Variants in TRIM37 observed in about 807,000 individuals in gnomAD.
TRIM37 encodes E3 ubiquitin-protein ligase TRIM37.
TRIM37 carries 80 observed loss-of-function variants against 129.8 expected under a neutral mutation model. The observed-to-expected ratio is 0.62, with a 90% CI of 0.51 to 0.74. The LOEUF (loss-of-function observed/expected upper bound fraction) is 0.74. TRIM37 is among the 30% of genes least tolerant of loss of function. TRIM37 has a pLI of 0.00. For synonymous variants in TRIM37, 389 were observed against 387.1 expected (o/e 1.00, Z -0.06); for missense variants, 1,054 against 1,176.5 (o/e 0.90, Z 1.52).
intron 4 of TRIM37, among the ~76,000 whole-genome samples, chr17:59,085,031 T>A (rs1338292775): frequency 1.3e-5 from 2 of 151,956 alleles, no homozygotes. Flanking sequence ...TATACACAAA[T>A]AAACTACAGG....
chr17:59,005,783 A>C (rs2034404562), intron 22 of TRIM37, among the ~76,000 whole-genome samples: 1 of 152,202 alleles, frequency 6.6e-6, no homozygotes, highest in African/African-American at 2.4e-5. Flanking sequence ...TTGCTTCAAA[A>C]TCTTTCTTGG....
At chr17:59,000,001 T>C (rs1264169709) in intron 23 of TRIM37, among the ~76,000 whole-genome samples, 1 of 152,026 alleles carries the variant, frequency 6.6e-6, no homozygotes, top group East Asian at 1.9e-4. Context: ...ACCAGGAAAA[T>C]ATGCAAAATA....
chr17:59,045,625 C>A (rs1264582191), intron 16 of TRIM37, among the ~76,000 whole-genome samples: 1 of 143,872 alleles, frequency 7.0e-6, no homozygotes, highest in East Asian at 2.0e-4. Flanking sequence ...GGTGACAGTG[C>A]GAAACTCCGT....
In TRIM37 at chr17:59,028,689, C is replaced by T; in HGVS notation, c.1983G>A (p.Lys661=). The T allele has an allele frequency of 6.2e-7, 1 of 1,614,174 alleles. No homozygotes were observed. Among genetic ancestry groups the T allele is most frequent in the Non-Finnish European group, 8.5e-7 (1 of 1,180,028 alleles). Residue 661 remains lysine (K), a synonymous_variant, in exon 19 of 24, where the codon AAG becomes AAA. Transcript: ENST00000262294. ...SYSRKDKDQR[K]QQAMWRVPSD... Reference sequence around the variant, plus strand: ...AGGGCACTCGCCACATTGCCTGTTGCTTCCTTTGGTCTTTATCTTTTCGAG... The same window carrying T: ...AGGGCACTCGCCACATTGCCTGTTGTTTCCTTTGGTCTTTATCTTTTCGAG...
intron 2 of TRIM37, among the ~76,000 whole-genome samples, chr17:59,099,331 T>C (rs1401474973): frequency 6.6e-6 from 1 of 152,132 alleles, no homozygotes; most frequent in African/African-American, 2.4e-5. Context: ...TGTACCATTT[T>C]TTATCTTTTA....
intron 22 of TRIM37, among the ~76,000 whole-genome samples, chr17:59,010,678 A>C (rs972890843): frequency 2.6e-5 from 4 of 151,936 alleles, no homozygotes; most frequent in African/African-American, 9.7e-5. Flanking sequence ...TATTTAGTAG[A>C]GATGAGGTGT....
rs115946203 is a variant in TRIM37, at chr17:59,035,413, T to G, written c.1754-3323A>C. ...GAATATATCCAATTTATTTCTTTAT[T>G]CTATTGGAAAACAATTTGGGTTGCT... On this transcript the variant is annotated intron_variant, in intron 17 of 23. Transcript: ENST00000262294. Among the ~76,000 whole-genome samples, 879 of 152,244 alleles carry G rather than the reference T, an allele frequency of 5.8e-3. 13 individuals carry two copies. The highest frequency in any genetic ancestry group is 0.02 in the African/African-American group (850 of 41,552).
intron 9 of TRIM37, among the ~76,000 whole-genome samples, chr17:59,067,893 C>A (rs1348401518): frequency 6.6e-6 from 1 of 152,210 alleles, no homozygotes; most frequent in Non-Finnish European, 1.5e-5. Flanking sequence ...ATACTGGGCA[C>A]ATAGTCTTTA....
intron 2 of TRIM37, 51 bp downstream of exon 2, chr17:59,104,242 T>C (rs772487071): frequency 1.3e-5 from 19 of 1,516,288 alleles, no homozygotes; most frequent in Non-Finnish European, 9.1e-7. Context: ...GGTTAATCCT[T>C]ACAATATATA....
chr17:59,062,583 C>T lies in TRIM37; in HGVS notation c.926G>A (p.Arg309Lys), dbSNP rs766941320. The change falls in exon 11 of 24, where the codon AGG becomes AAG. Residue 309 changes from arginine (R) to lysine (K), a missense_variant. Physicochemically the swap from Arg to Lys is conservative, Grantham distance 26. This residue lies in a region of TRIM37 where 752 missense variants were observed against 870.8 expected (regional missense o/e 0.86). Transcript: ENST00000262294. The part of the protein sequence containing the change: ...PPLQVSGLCW[R>K]LKVYPDGNGV... ...AAAACTTACTGGGTAAACTTTTAAC[C>T]TCCAGCAAAGTCCTGAAACTTGAAG... is the stretch of plus-strand genomic sequence containing the variant. 3.1e-6 allele frequency: 5 copies of T among 1,613,736 alleles called. No homozygotes were observed. The Admixed American group carries it at 8.3e-5, about 27-fold the overall frequency.
intron 21 of TRIM37, 124 bp downstream of exon 21, chr17:59,015,486 T>C (rs1263731493): frequency 4.0e-6 from 4 of 1,000,358 alleles, no homozygotes; most frequent in Non-Finnish European, 6.2e-6. Flanking sequence ...GCAATAAATG[T>C]ATTTTCTGTC....
chr17:59,012,879 A>G (rs1043878229), intron 21 of TRIM37, among the ~76,000 whole-genome samples: 4 of 151,878 alleles, frequency 2.6e-5, no homozygotes, highest in African/African-American at 9.7e-5. Flanking sequence ...CTGTCTCAAA[A>G]AAAAAAAAAA....
intron 17 of TRIM37, among the ~76,000 whole-genome samples, chr17:59,036,559 T>C (rs893848459): frequency 1.4e-4 from 22 of 151,840 alleles, no homozygotes; most frequent in African/African-American, 5.3e-4. Context: ...CATGGCTCAC[T>C]GTACCCTCGA....
chr17:58,991,625 T>A (rs2144132757), intron 24 of TRIM37, among the ~76,000 whole-genome samples: 1 of 152,270 alleles, frequency 6.6e-6, no homozygotes, highest in East Asian at 1.9e-4. Context: ...CCAGGATCGC[T>A]CTGAATATAG....
chr17:59,037,747 T>C (rs1270195556), intron 17 of TRIM37, among the ~76,000 whole-genome samples: 1 of 152,042 alleles, frequency 6.6e-6, no homozygotes, highest in East Asian at 1.9e-4. Context: ...ACTGATATAT[T>C]ATTAACTAAA....
At chr17:59,089,171 A>G (rs906452005) in intron 3 of TRIM37, among the ~76,000 whole-genome samples, 3 of 152,124 alleles carry the variant, frequency 2.0e-5, no homozygotes, top group African/African-American at 7.2e-5. Flanking sequence ...GGAGGACCAC[A>G]TGAGCCAGGG....
rs772718288 is a variant in TRIM37 at position 59,012,445 on chromosome 17, C to A, written c.2578G>T (p.Ala860Ser). ...TCCAGATGACCTCCTTTAGCATTAGCCCTCAAAGAAGAAAACAACTTGATA... is the reference window on the plus strand; with the variant it reads ...TCCAGATGACCTCCTTTAGCATTAGACCTCAAAGAAGAAAACAACTTGATA... ...EKRRKMVTLG[A>S]NAKGGHLEGL... The change falls in exon 22 of 24, where the codon GCT becomes TCT. Residue 860 changes from alanine to serine, a missense_variant and splice_region_variant. By Grantham distance (99) the Ala-to-Ser change is moderately conservative. This residue lies in a region of TRIM37 where 287 missense variants were observed against 274.3 expected (regional missense o/e 1.05). Transcript: ENST00000262294. 4.4e-6 allele frequency: 7 copies of A among 1,591,972 alleles called. No individual in the cohort carries two copies. In the Admixed American group the frequency reaches 1.0e-4, roughly 23 times the overall value.
intron 7 of TRIM37, among the ~76,000 whole-genome samples, chr17:59,079,544 A>C (rs1319854635): frequency 6.6e-6 from 1 of 152,066 alleles, no homozygotes; most frequent in African/African-American, 2.4e-5. Context: ...GGCTATGAAA[A>C]CTTGGATTTT....
chr17:59,054,476 A>G (rs2040643590), intron 13 of TRIM37, among the ~76,000 whole-genome samples: 1 of 151,678 alleles, frequency 6.6e-6, no homozygotes. Context: ...TAATTTTTGT[A>G]TTTTTAGTAG....
Sources: gnomAD v4.1 joint callset for allele counts (sites outside exome capture counted in the v4.1 genomes callset) on GRCh38, gnomAD v4.1.1 for gene constraint, gnomAD v4.1.1 regional missense constraint, MANE v1.5 for transcripts, NCBI Gene and HGNC (gene_info 2026-07-23, HGNC 2026-07-21) for gene names.